The following TNFSF4 variants were observed in gnomAD, a reference collection of about 807,000 sequenced individuals.
TNFSF4 encodes the protein TNF superfamily member 4.
A neutral mutation model predicts 7.3 loss-of-function variants in TNFSF4; 4 were observed. The ratio of observed to expected loss-of-function variants is 0.55; its 90% CI spans 0.27 to 1.25. The LOEUF (loss-of-function observed/expected upper bound fraction) is 1.25, where lower values mean the gene tolerates loss of function less well. Among genes scored for constraint, TNFSF4 ranks in the 50% most tolerant of loss-of-function variants. The pLI is 0.12. For missense variants in TNFSF4, 181 were observed against 208.8 expected (o/e 0.87, Z 0.82); for synonymous variants, 76 against 83.7 (o/e 0.91, Z 0.50).
At chr1:173,410,465 G>A in the TNFSF4 span, among the ~76,000 whole-genome samples, 25 of 152,254 alleles carry the variant, frequency 1.6e-4, no homozygotes, top group East Asian at 5.8e-4. Flanking sequence ...CTGGTTCTCC[G>A]TATACTCACT....
the TNFSF4 span, among the ~76,000 whole-genome samples, chr1:173,231,425 AG>A: frequency 2.0e-5 from 3 of 152,238 alleles, no homozygotes; most frequent in Non-Finnish European, 4.4e-5. Flanking sequence ...TCAATAAATT[AG>A]GTATTGATGG....
At chr1:173,419,891 C>T in the TNFSF4 span, among the ~76,000 whole-genome samples, 4 of 151,668 alleles carry the variant, frequency 2.6e-5, no homozygotes, top group Non-Finnish European at 4.4e-5. Flanking sequence ...TGATTTTGAC[C>T]TTAGTTTGTG....
At chr1:173,371,077 C>A in the TNFSF4 span, among the ~76,000 whole-genome samples, 1 of 152,214 alleles carries the variant, frequency 6.6e-6, no homozygotes, top group Non-Finnish European at 1.5e-5. Flanking sequence ...AGGGCAAGCA[C>A]CAGCTCATGT....
the TNFSF4 span, among the ~76,000 whole-genome samples, chr1:173,174,030 C>T: frequency 1.3e-5 from 2 of 152,210 alleles, no homozygotes; most frequent in African/African-American, 2.4e-5. Context: ...AACTTTTATG[C>T]TCTGCTTCCT....
the TNFSF4 span, among the ~76,000 whole-genome samples, chr1:173,268,751 A>G: frequency 7.2e-5 from 11 of 152,254 alleles, no homozygotes; most frequent in African/African-American, 2.6e-4. Flanking sequence ...ACTCACTTCA[A>G]ACATGACATA....
At chr1:173,212,892 A>G in the TNFSF4 span, among the ~76,000 whole-genome samples, 2 of 151,808 alleles carry the variant, frequency 1.3e-5, no homozygotes, top group East Asian at 3.8e-4. Context: ...TTTCAAAAAT[A>G]TACATAAATA....
chr1:173,200,900 G>A (rs1004782879), intron 1 of TNFSF4, among the ~76,000 whole-genome samples: 1 of 152,236 alleles, frequency 6.6e-6, no homozygotes, highest in Admixed American at 6.5e-5. Context: ...TTTCTGTCAA[G>A]AAGCATGTGT....
At chr1:173,190,139 C>T (rs996637495) in intron 1 of TNFSF4, among the ~76,000 whole-genome samples, 14 of 152,084 alleles carry the variant, frequency 9.2e-5, no homozygotes, top group African/African-American at 3.1e-4. Flanking sequence ...TCACTGAAAC[C>T]TGGGAGGGGG....
chr1:173,295,813 C>T, the TNFSF4 span, among the ~76,000 whole-genome samples: 98 of 152,110 alleles, frequency 6.4e-4, no homozygotes, highest in African/African-American at 2.3e-3. Flanking sequence ...TCACTGATTT[C>T]ACCACTCTTC....
chr1:173,236,776 TAA>T, the TNFSF4 span, among the ~76,000 whole-genome samples: 2 of 151,714 alleles, frequency 1.3e-5, no homozygotes, highest in Admixed American at 1.3e-4. Context: ...ATGTGGAAGC[TAA>T]AAAAAAGTTG....
At chr1:173,349,745 A>T in the TNFSF4 span, among the ~76,000 whole-genome samples, 2 of 152,256 alleles carry the variant, frequency 1.3e-5, no homozygotes, top group Non-Finnish European at 2.9e-5. Context: ...CCTCAGAAGC[A>T]TAAGAAACTC....
At chr1:173,399,707 AC>A in the TNFSF4 span, among the ~76,000 whole-genome samples, 1 of 152,000 alleles carries the variant, frequency 6.6e-6, no homozygotes, top group Non-Finnish European at 1.5e-5. Flanking sequence ...GGACAGGGTG[AC>A]CTATTCTGTT....
At chr1:173,328,686 A>T in the TNFSF4 span, among the ~76,000 whole-genome samples, 2 of 152,038 alleles carry the variant, frequency 1.3e-5, no homozygotes, top group Non-Finnish European at 2.9e-5. Flanking sequence ...GTAAAATTTT[A>T]AAAAAATAAA....
chr1:173,310,621 T>G, the TNFSF4 span, among the ~76,000 whole-genome samples: 1 of 151,760 alleles, frequency 6.6e-6, no homozygotes, highest in Admixed American at 6.6e-5. Flanking sequence ...CCTTTAGATA[T>G]ATTTTCTTAA....
At chr1:173,363,119 T>G in the TNFSF4 span, 1 of 341,918 alleles carries the variant, frequency 2.9e-6, no homozygotes, top group African/African-American at 2.2e-5. Flanking sequence ...TGCTACCAAC[T>G]CTTACATTTT....
the TNFSF4 span, among the ~76,000 whole-genome samples, chr1:173,265,126 CAGA>C: frequency 8.5e-5 from 13 of 152,258 alleles, no homozygotes; most frequent in Middle Eastern, 3.4e-3. Flanking sequence ...TTAGACCCCG[CAGA>C]AGTTTTTACT....
At chr1:173,394,058 T>G in the TNFSF4 span, among the ~76,000 whole-genome samples, 3 of 152,118 alleles carry the variant, frequency 2.0e-5, no homozygotes, top group African/African-American at 4.8e-5. Context: ...TTATCCATGG[T>G]GTATAACTTT....
chr1:173,221,931 T>C, the TNFSF4 span, among the ~76,000 whole-genome samples: 1 of 152,212 alleles, frequency 6.6e-6, no homozygotes, highest in South Asian at 2.1e-4. Flanking sequence ...ATTTTTCTCC[T>C]CTTAAAGTTG....
chr1:173,342,937 C>A, the TNFSF4 span, among the ~76,000 whole-genome samples: 1 of 152,206 alleles, frequency 6.6e-6, no homozygotes, highest in South Asian at 2.1e-4. Flanking sequence ...AAACATGCTT[C>A]TTTCCCCTTA....
Sources: gnomAD v4.1 joint callset for allele counts (sites outside exome capture counted in the v4.1 genomes callset) on GRCh38, gnomAD v4.1.1 for gene constraint, MANE v1.5 for transcripts, NCBI Gene and HGNC (gene_info 2026-07-23, HGNC 2026-07-21) for gene names.